Variants in FBXO16 observed in about 807,000 individuals in gnomAD.
FBXO16 encodes F-box only protein 16.
FBXO16 carries 31 observed loss-of-function variants against 41.0 expected under a neutral mutation model. That is an observed-to-expected ratio of 0.76 (90% CI 0.57 to 1.02). The LOEUF is 1.02. FBXO16 is among the 50% of genes least tolerant of loss of function. FBXO16 has a pLI of 0.00. For synonymous variants in FBXO16, 133 were observed against 117.8 expected, an observed-to-expected ratio of 1.13 and a Z score of -0.84; for missense variants, 361 against 346.2, an observed-to-expected ratio of 1.04 and a Z score of -0.34.
chr8:28,476,450 G>A (rs1346397228), intron 2 of FBXO16, among the ~76,000 whole-genome samples: 2 of 152,246 alleles, frequency 1.3e-5, no homozygotes, highest in Middle Eastern at 3.4e-3. Context: ...GTTCTCAGTT[G>A]GACTTATAGT....
chr8:28,447,105 T>C (rs752398562), intron 7 of FBXO16, 66 bp downstream of exon 7: 120 of 1,422,708 alleles, frequency 8.4e-5, no homozygotes, highest in Middle Eastern at 2.2e-4. Context: ...ATTTTGCAAA[T>C]AGGATTAGAG....
chr8:28,442,996 G>A (rs942497105), intron 7 of FBXO16, among the ~76,000 whole-genome samples: 1 of 151,650 alleles, frequency 6.6e-6, no homozygotes, highest in Non-Finnish European at 1.5e-5. Flanking sequence ...CATCCCCAGA[G>A]AGATGGACTA....
At chr8:28,438,269 TTGCATCAC>T (rs1802714376) in intron 7 of FBXO16, among the ~76,000 whole-genome samples, 1 of 151,968 alleles carries the variant, frequency 6.6e-6, no homozygotes, top group Non-Finnish European at 1.5e-5. Context: ...TGACCCAAGA[TTGCATCAC>T]TGCATTCCGG....
Position 28,446,389 on chromosome 8 carries a change from G to A in FBXO16, c.843+782C>T, listed in dbSNP as rs1023666770. Among the ~76,000 whole-genome samples the A allele has an allele frequency of 4.0e-5, 6 of 150,672 alleles. 1 individual carries two copies. The highest frequency in any genetic ancestry group is 7.4e-5 in the Non-Finnish European group (5 of 67,590). ...GGTTCCGCCATGCTGCCCAGGCTGC[G>A]CTCGAATCCCTGACCTCAAGTGATC... On this transcript the variant is annotated intron_variant, in intron 7 of 8. Transcript: ENST00000380254.
At chr8:28,452,094 G>T in intron 6 of FBXO16, 150 bp downstream of exon 6, 1 of 681,620 alleles carries the variant, frequency 1.5e-6, no homozygotes, top group Non-Finnish European at 2.4e-6. Context: ...GCTAGTAATG[G>T]TCAGTATCCT....
chr8:28,434,993 C>T (rs1216977166), intron 7 of FBXO16, among the ~76,000 whole-genome samples: 1 of 152,206 alleles, frequency 6.6e-6, no homozygotes, highest in Non-Finnish European at 1.5e-5. Context: ...TGGACGGCAG[C>T]ATGTTAGCAG....
intron 7 of FBXO16, among the ~76,000 whole-genome samples, chr8:28,435,855 TG>T (rs1268909078): frequency 2.0e-5 from 3 of 152,268 alleles, no homozygotes; most frequent in Admixed American, 1.3e-4. Context: ...AGCTTGGCGG[TG>T]GGATTTCACC....
At chr8:28,474,998 AAG>A (rs1469774659) in intron 2 of FBXO16, among the ~76,000 whole-genome samples, 2 of 152,294 alleles carry the variant, frequency 1.3e-5, no homozygotes, top group Middle Eastern at 3.4e-3. Flanking sequence ...TTAAGAGAGG[AAG>A]AGAGAGTCAT....
intron 7 of FBXO16, among the ~76,000 whole-genome samples, chr8:28,440,349 C>T (rs963605860): frequency 3.3e-5 from 5 of 152,120 alleles, no homozygotes; most frequent in African/African-American, 1.2e-4. Context: ...AGCCATCCTT[C>T]CACCTCGGCC....
chr8:28,457,331 C>T (rs971500886), intron 4 of FBXO16, among the ~76,000 whole-genome samples: 1 of 152,160 alleles, frequency 6.6e-6, no homozygotes, highest in Non-Finnish European at 1.5e-5. Flanking sequence ...TATATAAACT[C>T]AGGTCTGCAC....
At chr8:28,447,585 T>C in intron 6 of FBXO16, 1 of 261,082 alleles carries the variant, frequency 3.8e-6, no homozygotes, top group Non-Finnish European at 7.4e-6. Flanking sequence ...GGTGCTGCCA[T>C]TCCTTTCAAG....
chr8:28,455,012 C>T (rs949541742), intron 5 of FBXO16, among the ~76,000 whole-genome samples: 2 of 151,722 alleles, frequency 1.3e-5, no homozygotes, highest in Non-Finnish European at 2.9e-5. Flanking sequence ...TTCTCTGCAT[C>T]ATTCCAATTT....
rs1003943651 is a variant in FBXO16 at position 28,428,546 on chromosome 8, A to G, written c.*181T>C. 13 of 1,544,016 alleles carry G rather than the reference A, an allele frequency of 8.4e-6. No individual in the cohort carries two copies. In the African/African-American group the frequency reaches 1.4e-4, roughly 16 times the overall value. On this transcript the variant is annotated 3_prime_UTR_variant, in exon 9 of 9. Coordinates refer to ENST00000380254, the MANE Select transcript of FBXO16 (RefSeq NM_172366.4). ...AAAGCATCTTGTCATTTCTATAATA[A>G]AAGTCTTTCCATGTTCAGTCCACTT...
At chr8:28,437,401 A>G (rs998379251) in intron 7 of FBXO16, among the ~76,000 whole-genome samples, 2 of 152,208 alleles carry the variant, frequency 1.3e-5, no homozygotes, top group African/African-American at 4.8e-5. Context: ...TAGCGGGCTC[A>G]CCTGAGAGTT....
At chr8:28,433,148 A>G (rs1448322897) in intron 7 of FBXO16, among the ~76,000 whole-genome samples, 3 of 152,144 alleles carry the variant, frequency 2.0e-5, no homozygotes, top group Non-Finnish European at 2.9e-5. Context: ...ATCTGTCCCT[A>G]TGAAGAGGGA....
intron 5 of FBXO16, 123 bp downstream of exon 5, chr8:28,456,643 T>C (rs1803042663): frequency 9.2e-7 from 1 of 1,091,752 alleles, no homozygotes; most frequent in Admixed American, 2.3e-5. Context: ...AATTTTGAAA[T>C]CATAGTATAT....
rs558514329 is a variant in FBXO16 at position 28,485,362 on chromosome 8, G to A, written c.-16-1900C>T. On this transcript the variant is annotated intron_variant, in intron 1 of 8. Coordinates refer to ENST00000380254, the MANE Select transcript of FBXO16 (RefSeq NM_172366.4). ...TAATTTTTGTATTTTTAGTAGAGAT[G>A]GGGTTTCACCATGTTGGCTAGGCTG... Among the ~76,000 whole-genome samples the A allele has an allele frequency of 2.6e-5, 4 of 152,096 alleles. No individual in the cohort carries two copies. In the South Asian group the frequency reaches 6.2e-4, roughly 24 times the overall value.
intron 3 of FBXO16, among the ~76,000 whole-genome samples, chr8:28,473,478 A>G (rs1803369351): frequency 6.6e-6 from 1 of 152,158 alleles, no homozygotes; most frequent in South Asian, 2.1e-4. Flanking sequence ...GTCCTTATAA[A>G]GAAGACCCCA....
intron 6 of FBXO16, 89 bp from the exon 7 acceptor site, chr8:28,447,362 G>C (rs576123750): frequency 2.7e-6 from 3 of 1,129,506 alleles, no homozygotes; most frequent in Admixed American, 4.2e-5. Context: ...TGAGTTTGTT[G>C]TTCCTGTGAT....
Sources: allele counts gnomAD v4.1 joint callset (sites outside exome capture counted in the v4.1 genomes callset), GRCh38; gene constraint gnomAD v4.1.1; transcripts MANE v1.5; gene names NCBI Gene and HGNC (gene_info 2026-07-23, HGNC 2026-07-21).